RUNX3: variants seen among roughly 807,000 people sequenced by gnomAD.
RUNX3 encodes the protein runt-related transcription factor 3.
In RUNX3, 10 loss-of-function variants were observed where a neutral mutation model predicts 27.7. The observed-to-expected ratio is 0.36, with a 90% CI of 0.22 to 0.61. The LOEUF is 0.61. Ranked by LOEUF, RUNX3 falls within the 20% of genes least tolerant of loss-of-function variation. RUNX3 has a pLI of 0.72. For synonymous variants in RUNX3, 270 were observed against 269.2 expected, an observed-to-expected ratio of 1.00 and a Z score of -0.03; for missense variants, 469 against 629.5, an observed-to-expected ratio of 0.75 and a Z score of 2.73.
intron 2 of RUNX3, 113 bp from the exon 3 acceptor site, chr1:24,919,457 C>G: frequency 1.5e-6 from 1 of 661,358 alleles, no homozygotes; most frequent in Non-Finnish European, 2.6e-6. Flanking sequence ...AAGGGGCACT[C>G]TGTCCTCTTT....
At chr1:24,920,354 T>C (rs980397066) in intron 2 of RUNX3, among the ~76,000 whole-genome samples, 3 of 152,134 alleles carry the variant, frequency 2.0e-5, no homozygotes, top group East Asian at 1.9e-4. Flanking sequence ...GGTTGGGACA[T>C]ATTACGGGCG....
At chr1:24,956,440 C>G (rs1168571776) in intron 2 of RUNX3, among the ~76,000 whole-genome samples, 1 of 152,192 alleles carries the variant, frequency 6.6e-6, no homozygotes, top group African/African-American at 2.4e-5. Context: ...AGTCTTTTTT[C>G]TGAGGTGGCT....
rs566918073 is a variant in RUNX3, at chr1:24,952,607, C to G, written c.58+11907G>C. ...GGGAGTCAGAGCTGTGAGGAACACC[C>G]TCTCGCAGGGATGAGTGGCTCCACC... On this transcript the variant is annotated intron_variant, in intron 2 of 6. Transcript: ENST00000338888. Among the ~76,000 whole-genome samples the G allele has an allele frequency of 1.9e-4, 29 of 152,350 alleles. No homozygotes were observed. The South Asian group carries it at 3.1e-3, about 16-fold the overall frequency.
chr1:24,929,212 A>T, intron 1 of RUNX3: 1 of 508,064 alleles, frequency 2.0e-6, no homozygotes, highest in Non-Finnish European at 3.8e-6. Flanking sequence ...CACCGTTCGC[A>T]CCCCACCCGC....
At chr1:24,959,288 G>A (rs563046123) in intron 2 of RUNX3, among the ~76,000 whole-genome samples, 11 of 152,314 alleles carry the variant, frequency 7.2e-5, no homozygotes, top group South Asian at 4.1e-4. Context: ...GTGTGGGGTC[G>A]GCTCATGCCT....
At chr1:24,947,695 A>G (rs1048826213) in intron 2 of RUNX3, among the ~76,000 whole-genome samples, 1 of 152,108 alleles carries the variant, frequency 6.6e-6, no homozygotes, top group African/African-American at 2.4e-5. Flanking sequence ...GCCCCTGGGG[A>G]CGCTCCCTGT....
intron 2 of RUNX3, among the ~76,000 whole-genome samples, chr1:24,955,417 A>G (rs1641891327): frequency 6.6e-6 from 1 of 152,138 alleles, no homozygotes; most frequent in Non-Finnish European, 1.5e-5. Context: ...AAGTCCCACC[A>G]TCTGCCTGAG....
chr1:24,919,651 T>C (rs995370168), intron 2 of RUNX3, among the ~76,000 whole-genome samples: 2 of 152,106 alleles, frequency 1.3e-5, no homozygotes, highest in Non-Finnish European at 2.9e-5. Flanking sequence ...CACGATTTTG[T>C]GGTGGGGAGC....
upstream of RUNX3, among the ~76,000 whole-genome samples, chr1:24,934,462 G>A (rs1398916203): frequency 6.6e-6 from 1 of 152,326 alleles, no homozygotes; most frequent in East Asian, 1.9e-4. Context: ...CCCAGATGCT[G>A]CCTGTGCGGT....
rs1412237602 is a variant in RUNX3, at chr1:24,919,247, C to T, written c.537G>A (p.Glu179=). Residue 179 remains glutamate, a synonymous_variant, in exon 3 of 5, where the codon GAG becomes GAA. Transcript: ENST00000308873. ...AIKVTVDGPR[E]PRRHRQKLED... is the part of the protein sequence containing the mutation. ...GGGCTCGGTGGCACTTACGTCTGGG[C>T]TCCCGGGGTCCGTCCACGGTCACCT... The T allele has an allele frequency of 2.5e-6, 4 of 1,593,778 alleles. No homozygotes were observed. The highest frequency in any genetic ancestry group is 2.6e-6 in the Non-Finnish European group (3 of 1,171,432).
chr1:24,942,181 G>A (rs1641495590), intron 2 of RUNX3, among the ~76,000 whole-genome samples: 1 of 152,108 alleles, frequency 6.6e-6, no homozygotes, highest in African/African-American at 2.4e-5. Flanking sequence ...ATGAGGGGGG[G>A]AGATGAGATG....
chr1:24,954,152 C>G (rs1409238797), intron 2 of RUNX3, among the ~76,000 whole-genome samples: 1 of 152,142 alleles, frequency 6.6e-6, no homozygotes, highest in Admixed American at 6.5e-5. Context: ...CCCACAGAGG[C>G]AAAAACAAGA....
chr1:24,919,790 C>A (rs546247810), intron 2 of RUNX3, among the ~76,000 whole-genome samples: 3 of 151,888 alleles, frequency 2.0e-5, no homozygotes, highest in Admixed American at 2.0e-4. Flanking sequence ...AGATAGACAC[C>A]GTTACCATTT....
intron 2 of RUNX3, among the ~76,000 whole-genome samples, chr1:24,955,992 ACTGT>A (rs1170730383): frequency 6.6e-6 from 1 of 152,238 alleles, no homozygotes; most frequent in African/African-American, 2.4e-5. Context: ...CTCCAGGGAA[ACTGT>A]CTGCAGATTG....
upstream of RUNX3, among the ~76,000 whole-genome samples, chr1:24,933,464 C>G (rs1369012374): frequency 2.6e-5 from 4 of 152,176 alleles, no homozygotes; most frequent in Non-Finnish European, 5.9e-5. Flanking sequence ...CACCCCTCCT[C>G]TCTCTGGGCC....
chr1:24,954,810 C>T (rs909926445), intron 2 of RUNX3, among the ~76,000 whole-genome samples: 1 of 152,186 alleles, frequency 6.6e-6, no homozygotes, highest in East Asian at 1.9e-4. Flanking sequence ...GTGCGGGAGG[C>T]CCCTGTGGTC....
intron 2 of RUNX3, among the ~76,000 whole-genome samples, chr1:24,937,332 G>A (rs571362524): frequency 1.5e-4 from 23 of 152,344 alleles, no homozygotes; most frequent in Admixed American, 1.2e-3. Flanking sequence ...AAGGTCCTGC[G>A]TTTTCATTTT....
intron 1 of RUNX3, 193 bp downstream of exon 1, chr1:24,929,394 C>A (rs1335003852): frequency 2.8e-6 from 2 of 711,898 alleles, no homozygotes; most frequent in East Asian, 5.4e-5. Flanking sequence ...AAAGTCATTC[C>A]TGCAGGGCGC....
rs1641532151 is a variant in RUNX3, at chr1:24,943,599, G to A, written c.59-13747C>T. Among the ~76,000 whole-genome samples, 1 of 152,218 alleles carries A rather than the reference G, an allele frequency of 6.6e-6. No individual in the cohort carries two copies. The highest frequency in any genetic ancestry group is 2.1e-4 in the South Asian group (1 of 4,838). On this transcript the variant is annotated intron_variant, in intron 2 of 6. Transcript: ENST00000338888. This position sits in a 1 kb window ranked among gnomAD's most constrained non-coding sequence, Gnocchi z 4.6. The stretch of plus-strand genomic sequence containing the variant: ...AAGAGCCCTGGAACAGTTGGCCAGT[G>A]CGGAGAGGACCCCCGAAGATCTCTG...
Sources: allele counts gnomAD v4.1 joint callset (sites outside exome capture counted in the v4.1 genomes callset), GRCh38; gene constraint gnomAD v4.1.1; non-coding constraint Gnocchi (gnomAD v3.1); transcripts MANE v1.5; gene names NCBI Gene and HGNC (gene_info 2026-07-23, HGNC 2026-07-21).